The following CACNA2D1 variants were observed in gnomAD, a reference collection of about 807,000 sequenced individuals.
The protein encoded by CACNA2D1 is calcium voltage-gated channel auxiliary subunit alpha2delta 1.
Under a neutral mutation model 171.5 loss-of-function variants are expected in CACNA2D1, and 53 were observed. The observed-to-expected ratio is 0.31, with a 90% CI of 0.25 to 0.39. The LOEUF is 0.39. Ranked by LOEUF, CACNA2D1 falls within the 10% of genes least tolerant of loss-of-function variation. The probability of loss-of-function intolerance (pLI) is 1.00; values close to 1 mark genes in which losing one functional copy is unlikely to be tolerated. For synonymous variants in CACNA2D1, 442 were observed against 443.1 expected (o/e 1.00, Z 0.03); for missense variants, 903 against 1,299.8 (o/e 0.69, Z 4.69).
chr7:82,017,684 T>G (rs1477794861), intron 12 of CACNA2D1, among the ~76,000 whole-genome samples: 1 of 152,110 alleles, frequency 6.6e-6, no homozygotes, highest in African/African-American at 2.4e-5. Context: ...ATAAAGTGAT[T>G]CCTTGAAATA....
intron 3 of CACNA2D1, among the ~76,000 whole-genome samples, chr7:82,302,134 A>G (rs576568314): frequency 3.3e-5 from 5 of 152,280 alleles, no homozygotes; most frequent in African/African-American, 1.2e-4. Context: ...TATAAACTCT[A>G]TTGAAATAAC....
At chr7:82,427,902 C>T (rs1829329010) in intron 1 of CACNA2D1, among the ~76,000 whole-genome samples, 1 of 152,070 alleles carries the variant, frequency 6.6e-6, no homozygotes, top group Non-Finnish European at 1.5e-5. Context: ...AAGGCAGCAA[C>T]CCAAGGCCAG....
chr7:82,165,315 T>C (rs1197457388), intron 4 of CACNA2D1, among the ~76,000 whole-genome samples: 5 of 152,028 alleles, frequency 3.3e-5, no homozygotes, highest in Admixed American at 1.3e-4. Flanking sequence ...CATCATGATG[T>C]CTGACTGCAG....
chr7:82,195,861 G>T (rs1375480910), intron 3 of CACNA2D1, among the ~76,000 whole-genome samples: 1 of 151,916 alleles, frequency 6.6e-6, no homozygotes, highest in Non-Finnish European at 1.5e-5. Flanking sequence ...TGGCAGAAAG[G>T]GTCTTAACTC....
At chr7:81,959,399 A>G in intron 37 of CACNA2D1, 42 bp from the exon 38 acceptor site, 1 of 1,330,626 alleles carries the variant, frequency 7.5e-7, no homozygotes, top group Non-Finnish European at 1.1e-6. Context: ...AGTTTTTTTC[A>G]CATGATTAAA....
At position 82,419,265 on chromosome 7, in the gene CACNA2D1, A is replaced by G. The variant is rs560571497; in HGVS notation, c.95+24100T>C. On this transcript the variant is annotated intron_variant, in intron 1 of 38. Transcript: ENST00000356860. Reference sequence around the variant, plus strand: ...TTTCAGCCAAGAAAAAAAAATCTTCATTAGTTTACTATGCAGCTTTCCCAG... The same window carrying G: ...TTTCAGCCAAGAAAAAAAAATCTTCGTTAGTTTACTATGCAGCTTTCCCAG... Among the ~76,000 whole-genome samples, 21 of 152,264 alleles carry G rather than the reference A, an allele frequency of 1.4e-4. No individual in the cohort carries two copies. In the East Asian group the frequency reaches 3.1e-3, roughly 22 times the overall value.
chr7:82,136,742 A>C, intron 4 of CACNA2D1, 66 bp from the exon 5 acceptor site: 1 of 1,014,460 alleles, frequency 9.9e-7, no homozygotes, highest in Non-Finnish European at 1.5e-6. Flanking sequence ...TACTGAATAC[A>C]TTTTATGCAT....
At chr7:82,384,297 T>C (rs1824067663) in intron 1 of CACNA2D1, among the ~76,000 whole-genome samples, 1 of 152,160 alleles carries the variant, frequency 6.6e-6, no homozygotes, top group Non-Finnish European at 1.5e-5. Context: ...TAGGGTTAGA[T>C]GAGATCATGA....
chr7:82,143,013 A>T (rs1563110570), intron 4 of CACNA2D1, among the ~76,000 whole-genome samples: 1 of 152,136 alleles, frequency 6.6e-6, no homozygotes, highest in Non-Finnish European at 1.5e-5. Flanking sequence ...AAAAGAACTT[A>T]GGAACATGTA....
intron 3 of CACNA2D1, among the ~76,000 whole-genome samples, chr7:82,270,610 G>A (rs546773430): frequency 6.6e-6 from 1 of 152,234 alleles, no homozygotes; most frequent in Non-Finnish European, 1.5e-5. Flanking sequence ...GGATTGTAGG[G>A]TAGGTACTGC....
intron 25 of CACNA2D1, among the ~76,000 whole-genome samples, chr7:81,972,192 C>T (rs373890982): frequency 6.6e-6 from 1 of 151,098 alleles, no homozygotes; most frequent in Non-Finnish European, 1.5e-5. Context: ...GGTAGCATGG[C>T]GATTCCCAAC....
At chr7:82,020,912 C>A (rs148934946) in intron 12 of CACNA2D1, 1 of 152,048 alleles carries the variant, frequency 6.6e-6, no homozygotes, top group South Asian at 2.1e-4. Context: ...GTTTTATAAA[C>A]GGCAACAAAG....
At chr7:82,128,121 G>A (rs1790550004) in intron 5 of CACNA2D1, among the ~76,000 whole-genome samples, 2 of 151,348 alleles carry the variant, frequency 1.3e-5, no homozygotes, top group African/African-American at 4.9e-5. Context: ...GTAGAGACAG[G>A]GTGTCACCAT....
At chr7:82,101,760 T>C (rs989071639) in intron 6 of CACNA2D1, among the ~76,000 whole-genome samples, 15 of 152,184 alleles carry the variant, frequency 9.9e-5, no homozygotes, top group Admixed American at 2.6e-4. Context: ...TTCCGTTTTT[T>C]ACCGCAATCT....
At chr7:82,054,520 C>A (rs571547852) in intron 10 of CACNA2D1, among the ~76,000 whole-genome samples, 1 of 152,292 alleles carries the variant, frequency 6.6e-6, no homozygotes, top group South Asian at 2.1e-4. Flanking sequence ...GAAGATGAAT[C>A]ATTTATTAAT....
Position 82,296,109 on chromosome 7 carries a change from C to T in CACNA2D1, c.294+39026G>A, listed in dbSNP as rs559453078. On this transcript the variant is annotated intron_variant, in intron 3 of 38. Coordinates refer to ENST00000356860, the MANE Select transcript of CACNA2D1 (RefSeq NM_000722.4). ...GAACATCACACTCTGGGGACTGTTG[C>T]GGGGTGGGGGAAGGGGGGAGGGATA... is the stretch of plus-strand genomic sequence containing the variant. Among the ~76,000 whole-genome samples the T allele has an allele frequency of 6.6e-4, 78 of 118,610 alleles. 1 individual carries two copies. Among genetic ancestry groups the T allele is most frequent in the Middle Eastern group, 3.9e-3 (1 of 256 alleles). The allele number at this position is 118,610 out of a possible 152,430, so 77.8% of individuals were successfully genotyped here.
intron 1 of CACNA2D1, among the ~76,000 whole-genome samples, chr7:82,399,969 T>C (rs1034327928): frequency 3.3e-5 from 5 of 152,070 alleles, no homozygotes; most frequent in Admixed American, 6.6e-5. Flanking sequence ...GGCAAGCTAC[T>C]CCATTAGGCA....
At chr7:82,256,988 GATGGT>G (rs1365308145) in intron 3 of CACNA2D1, among the ~76,000 whole-genome samples, 5 of 152,182 alleles carry the variant, frequency 3.3e-5, no homozygotes, top group African/African-American at 1.2e-4. Flanking sequence ...TTTCATTAGA[GATGGT>G]ATCAATGGTG....
At chr7:82,428,826 T>C (rs1829426186) in intron 1 of CACNA2D1, among the ~76,000 whole-genome samples, 1 of 152,280 alleles carries the variant, frequency 6.6e-6, no homozygotes, top group East Asian at 1.9e-4. Flanking sequence ...ACCTTGGGAT[T>C]CTCTGACTCA....
Sources: gnomAD v4.1 joint callset for allele counts (sites outside exome capture counted in the v4.1 genomes callset) on GRCh38, gnomAD v4.1.1 for gene constraint, MANE v1.5 for transcripts, NCBI Gene and HGNC (gene_info 2026-07-23, HGNC 2026-07-21) for gene names.